The following PTPRT variants were observed in gnomAD, a reference collection of about 807,000 sequenced individuals.
PTPRT encodes receptor-type tyrosine-protein phosphatase T.
A neutral mutation model predicts 176.8 loss-of-function variants in PTPRT; 56 were observed. That is an observed-to-expected ratio of 0.32 (90% confidence interval 0.26 to 0.40). PTPRT has a LOEUF of 0.40. Among genes scored for constraint, PTPRT ranks in the 10% least tolerant of loss-of-function variants. The probability of loss-of-function intolerance (pLI) is 1.00; values close to 1 mark genes in which losing one functional copy is unlikely to be tolerated. For synonymous variants in PTPRT, 783 were observed against 739.0 expected, an observed-to-expected ratio of 1.06 and a Z score of -0.96; for missense variants, 1,540 against 1,908.2, an observed-to-expected ratio of 0.81 and a Z score of 3.60.
intron 6 of PTPRT, among the ~76,000 whole-genome samples, chr20:42,744,874 G>C (rs1043390871): frequency 5.3e-5 from 8 of 152,192 alleles, no homozygotes; most frequent in Non-Finnish European, 1.0e-4. Context: ...CCTTAAACTG[G>C]AACTATTATC....
At chr20:42,748,913 C>T (rs2076728839) in intron 6 of PTPRT, among the ~76,000 whole-genome samples, 1 of 152,090 alleles carries the variant, frequency 6.6e-6, no homozygotes, top group African/African-American at 2.4e-5. Flanking sequence ...GAGAATGTAC[C>T]CTTTATTCGC....
chr20:42,507,027 T>C (rs1219642228), intron 7 of PTPRT, among the ~76,000 whole-genome samples: 2 of 152,070 alleles, frequency 1.3e-5, no homozygotes, highest in African/African-American at 4.8e-5. Flanking sequence ...AGCTCCCAGG[T>C]CCACATAAGT....
intron 3 of PTPRT, among the ~76,000 whole-genome samples, chr20:42,784,728 C>T (rs550483287): frequency 7.1e-5 from 10 of 139,872 alleles, no homozygotes; most frequent in African/African-American, 1.0e-4. Context: ...GCCTATATAG[C>T]GATAATAACT....
intron 16 of PTPRT, among the ~76,000 whole-genome samples, chr20:42,165,571 A>G (rs150584325): frequency 1.3e-5 from 2 of 152,360 alleles, no homozygotes; most frequent in East Asian, 3.9e-4. Flanking sequence ...CAGCTGTCCA[A>G]TAGAACTTTC....
chr20:42,776,199 A>C (rs1418751502), intron 4 of PTPRT, among the ~76,000 whole-genome samples: 1 of 152,084 alleles, frequency 6.6e-6, no homozygotes. Flanking sequence ...TAATCTCTGC[A>C]CCTCTATCCA....
intron 12 of PTPRT, among the ~76,000 whole-genome samples, chr20:42,302,351 C>T (rs2057481866): frequency 6.6e-6 from 1 of 152,198 alleles, no homozygotes; most frequent in South Asian, 2.1e-4. Flanking sequence ...GGCTTCATTC[C>T]ATATCCCGGA....
chr20:42,580,000 A>T (rs1458961623), intron 7 of PTPRT, among the ~76,000 whole-genome samples: 1 of 152,142 alleles, frequency 6.6e-6, no homozygotes, highest in African/African-American at 2.4e-5. Context: ...CTGAATGGTA[A>T]TGCCTAGGTT....
intron 2 of PTPRT, among the ~76,000 whole-genome samples, chr20:42,800,326 C>T (rs1372957761): frequency 1.3e-5 from 2 of 152,132 alleles, no homozygotes; most frequent in Non-Finnish European, 2.9e-5. Context: ...TCATCAACTC[C>T]CTGGAGTTAG....
chr20:42,607,529 C>T (rs190750133), intron 7 of PTPRT: 1 of 152,310 alleles, frequency 6.6e-6, no homozygotes. Context: ...GATTCAGAGG[C>T]TGAGCAGGGA....
intron 7 of PTPRT, among the ~76,000 whole-genome samples, chr20:42,554,720 C>T (rs1348037762): frequency 1.3e-5 from 2 of 152,100 alleles, no homozygotes; most frequent in South Asian, 2.1e-4. Flanking sequence ...GGAAGTGGTA[C>T]ATTTTTAGTT....
Position 42,332,725 on chromosome 20 carries a change from C to A in PTPRT, c.1866-16729G>T, listed in dbSNP as rs530327530. The stretch of plus-strand genomic sequence containing the variant: ...ATTTGTTGTCAAAGACATAAGGCAG[C>A]TTTCAAGTGAAAACTAGAATTTGGA... On this transcript the variant is annotated intron_variant, in intron 11 of 30. Coordinates refer to ENST00000373187, the MANE Select transcript of PTPRT (RefSeq NM_007050.6). Among the ~76,000 whole-genome samples the A allele has an allele frequency of 2.6e-5, 4 of 152,186 alleles. No individual in the cohort carries two copies. In the East Asian group the frequency reaches 7.7e-4, roughly 29 times the overall value.
rs193099663 is a variant in PTPRT at position 42,973,536 on chromosome 20, A to T, written c.89-87604T>A. ...TCTGCAATTATTTAATCACGAATGC[A>T]TTGCCTCTCTCTTCTCCAAACTGTA... On this transcript the variant is annotated intron_variant, in intron 1 of 30. Transcript: ENST00000373187. Among the ~76,000 whole-genome samples the T allele has an allele frequency of 6.6e-5, 10 of 152,186 alleles. No individual in the cohort carries two copies. The East Asian group carries it at 9.7e-4, about 15-fold the overall frequency.
At chr20:42,183,466 C>A (rs185436440) in intron 16 of PTPRT, among the ~76,000 whole-genome samples, 48 of 152,236 alleles carry the variant, frequency 3.2e-4, no homozygotes, top group African/African-American at 1.1e-3. Flanking sequence ...AGGAATTGTA[C>A]AAGAGAGCAA....
intron 9 of PTPRT, 141 bp downstream of exon 9, chr20:42,448,079 C>T: frequency 1.4e-6 from 1 of 703,942 alleles, no homozygotes; most frequent in Non-Finnish European, 2.5e-6. Context: ...TGTTTGCACC[C>T]CATTGTACTG....
At chr20:42,472,930 T>C (rs2071224668) in intron 7 of PTPRT, among the ~76,000 whole-genome samples, 1 of 152,154 alleles carries the variant, frequency 6.6e-6, no homozygotes. Context: ...ATACGCTTAT[T>C]TAGACGGCTG....
chr20:42,991,518 C>T (rs1009647674), intron 1 of PTPRT, among the ~76,000 whole-genome samples: 41 of 151,894 alleles, frequency 2.7e-4, no homozygotes, highest in African/African-American at 9.9e-4. Context: ...GGCAAATCCA[C>T]AGAGACAGAA....
At chr20:42,365,368 T>C (rs1299301950) in intron 9 of PTPRT, among the ~76,000 whole-genome samples, 1 of 152,206 alleles carries the variant, frequency 6.6e-6, no homozygotes, top group Non-Finnish European at 1.5e-5. Flanking sequence ...ATTTTAACTC[T>C]ACAGATGTGG....
intron 1 of PTPRT, among the ~76,000 whole-genome samples, chr20:43,132,981 C>A (rs993305584): frequency 1.3e-5 from 2 of 151,984 alleles, no homozygotes; most frequent in Non-Finnish European, 2.9e-5. Flanking sequence ...AACGTGAAAC[C>A]AAGTTGAGAA....
intron 7 of PTPRT, among the ~76,000 whole-genome samples, chr20:42,531,799 C>T (rs1196545287): frequency 6.6e-6 from 1 of 152,182 alleles, no homozygotes; most frequent in Non-Finnish European, 1.5e-5. Context: ...AGCTTCACAG[C>T]ACATGAGAGA....
Sources: gnomAD v4.1 joint callset for allele counts (sites outside exome capture counted in the v4.1 genomes callset) on GRCh38, gnomAD v4.1.1 for gene constraint, MANE v1.5 for transcripts, NCBI Gene and HGNC (gene_info 2026-07-23, HGNC 2026-07-21) for gene names.